The following KLRG1 variants were observed in gnomAD, a reference collection of about 807,000 sequenced individuals.
KLRG1 encodes killer cell lectin-like receptor subfamily G member 1.
Under a neutral mutation model 21.8 loss-of-function variants are expected in KLRG1, and 16 were observed. The ratio of observed to expected loss-of-function variants is 0.73; its 90% CI spans 0.50 to 1.11. The LOEUF is 1.11. KLRG1 is among the 50% of genes most tolerant of loss of function. The pLI, the probability that KLRG1 is intolerant of heterozygous loss-of-function variation, is 0.00. For missense variants in KLRG1, 173 were observed against 218.3 expected (o/e 0.79, Z 1.31); for synonymous variants, 69 against 75.9 (o/e 0.91, Z 0.47).
At chr12:8,968,581 G>A (rs1337830948) in intron 1 of KLRG1, among the ~76,000 whole-genome samples, 2 of 152,168 alleles carry the variant, frequency 1.3e-5, no homozygotes, top group African/African-American at 4.8e-5. Context: ...TGGTGGTATA[G>A]GAGCCTTGAA....
Position 8,995,163 on chromosome 12 carries a change from C to A in KLRG1, c.232C>A (p.Arg78Ser), listed in dbSNP as rs116751107. The A allele has an allele frequency of 8.1e-6, 13 of 1,613,096 alleles. No individual in the cohort carries two copies. The South Asian group carries it at 1.2e-4, about 15-fold the overall frequency. The change falls in exon 3 of 5, where the codon CGC (arginine) becomes AGC (serine). Residue 78 changes from arginine (R) to serine (S), a missense_variant. Arg to Ser is a moderately radical substitution (Grantham distance 110). Coordinates refer to ENST00000356986, the MANE Select transcript of KLRG1 (RefSeq NM_005810.4). ...TCASCPSCPD[R>S]WMKYGNHCYY... ...TGCCAGCTGTCCTAGCTGCCCAGAC[C>A]GCTGGATGAAATATGGTAACCATTG...
chr12:9,017,385 G>A, the KLRG1 span, among the ~76,000 whole-genome samples: 1 of 151,852 alleles, frequency 6.6e-6, no homozygotes, highest in Admixed American at 6.6e-5. Flanking sequence ...GGCAAACTGG[G>A]TTCAACAACA....
At chr12:9,164,722 C>G in the KLRG1 span, among the ~76,000 whole-genome samples, 1 of 152,116 alleles carries the variant, frequency 6.6e-6, no homozygotes, top group Non-Finnish European at 1.5e-5. Context: ...TATATACAAC[C>G]ACTATTACAT....
At chr12:9,056,779 C>T in the KLRG1 span, among the ~76,000 whole-genome samples, 2 of 152,136 alleles carry the variant, frequency 1.3e-5, no homozygotes, top group East Asian at 3.9e-4. Flanking sequence ...TCTCAAACTT[C>T]TAGCTTTAAG....
intron 3 of KLRG1, among the ~76,000 whole-genome samples, chr12:9,004,559 C>T (rs1226589310): frequency 6.6e-6 from 1 of 152,174 alleles, no homozygotes; most frequent in Non-Finnish European, 1.5e-5. Flanking sequence ...GCCTCAAACT[C>T]CTGGGCTCAA....
chr12:9,157,717 A>G, the KLRG1 span: 2,560 of 1,538,608 alleles, frequency 1.7e-3, 3 homozygotes, highest in Non-Finnish European at 2.1e-3. Flanking sequence ...CATTCCAGAC[A>G]GCAAATCTAC....
At chr12:9,035,273 AAGG>A in the KLRG1 span, among the ~76,000 whole-genome samples, 1 of 152,204 alleles carries the variant, frequency 6.6e-6, no homozygotes, top group Non-Finnish European at 1.5e-5. Context: ...AGCCATAAAA[AAGG>A]ATGAGTTCAT....
chr12:9,172,419 A>G, the KLRG1 span, among the ~76,000 whole-genome samples: 1 of 152,206 alleles, frequency 6.6e-6, no homozygotes. Flanking sequence ...AACACTATGA[A>G]GCAATCACAT....
At chr12:8,990,691 A>C (rs138388916) in intron 1 of KLRG1, among the ~76,000 whole-genome samples, 1 of 152,292 alleles carries the variant, frequency 6.6e-6, no homozygotes, top group East Asian at 1.9e-4. Context: ...TCAAGGTCAC[A>C]CACACAACTG....
intron 2 of KLRG1, among the ~76,000 whole-genome samples, chr12:8,993,081 A>AT (rs35555710): frequency 0.024 from 3,108 of 128,964 alleles, 51 homozygotes; most frequent in African/African-American, 0.048. Flanking sequence ...AACATTCTGA[A>AT]TTTTTTTTTT....
chr12:9,079,440 T>C, the KLRG1 span: 1 of 1,252,344 alleles, frequency 8.0e-7, no homozygotes, highest in South Asian at 1.3e-5. Flanking sequence ...TAAATTTTGT[T>C]GTCATAGATT....
At chr12:9,027,491 T>G in the KLRG1 span, 5 of 1,004,188 alleles carry the variant, frequency 5.0e-6, no homozygotes, top group South Asian at 5.1e-5. Context: ...CTGCCACTTC[T>G]CTGGCTCTCT....
the KLRG1 span, among the ~76,000 whole-genome samples, chr12:9,209,885 A>G: frequency 1.3e-5 from 2 of 152,186 alleles, no homozygotes; most frequent in African/African-American, 2.4e-5. Flanking sequence ...ATTGATAATG[A>G]GGATAAAATT....
chr12:9,204,627 C>T, the KLRG1 span, among the ~76,000 whole-genome samples: 1 of 152,116 alleles, frequency 6.6e-6, no homozygotes, highest in Non-Finnish European at 1.5e-5. Flanking sequence ...ACATGCACAA[C>T]TCCCTGCTAC....
the KLRG1 span, among the ~76,000 whole-genome samples, chr12:9,080,562 C>A: frequency 3.3e-5 from 5 of 152,142 alleles, no homozygotes; most frequent in Non-Finnish European, 7.3e-5. Flanking sequence ...AAAACACCAA[C>A]AACAAAGCCC....
the KLRG1 span, chr12:9,079,815 C>T: frequency 6.3e-7 from 1 of 1,592,670 alleles, no homozygotes; most frequent in Non-Finnish European, 8.5e-7. Flanking sequence ...TAATATGTCT[C>T]CTAGAGAATG....
the KLRG1 span, chr12:9,128,220 C>T: frequency 5.2e-6 from 1 of 193,380 alleles, no homozygotes; most frequent in Non-Finnish European, 1.1e-5. Context: ...ATTGGTCTTG[C>T]CAAGATCCCG....
the KLRG1 span, chr12:9,196,984 G>A: frequency 6.9e-7 from 1 of 1,447,000 alleles, no homozygotes; most frequent in South Asian, 1.1e-5. Flanking sequence ...AACAGTGATA[G>A]CACTGAGGGA....
In KLRG1 at chr12:8,995,104, C is replaced by G. The variant is rs1362209590; in HGVS notation, c.188-15C>G. On this transcript the variant is annotated splice_polypyrimidine_tract_variant and intron_variant, in intron 2 of 4. Coordinates refer to ENST00000356986, the MANE Select transcript of KLRG1 (RefSeq NM_005810.4). ...TGGTCCATAAAGATGTGAACCAGGT[C>G]CTCTTCTCTCCTAGGCTCCAACTAC... 5 of 1,571,888 alleles carry G rather than the reference C, an allele frequency of 3.2e-6. No homozygotes were observed. The highest frequency in any genetic ancestry group is 4.3e-6 in the Non-Finnish European group (5 of 1,163,408).
Sources: allele counts gnomAD v4.1 joint callset (sites outside exome capture counted in the v4.1 genomes callset), GRCh38; gene constraint gnomAD v4.1.1; transcripts MANE v1.5; gene names NCBI Gene and HGNC (gene_info 2026-07-23, HGNC 2026-07-21).